SUZ12: variants seen among roughly 807,000 people sequenced by gnomAD.
SUZ12 encodes the protein polycomb protein SUZ12.
Under a neutral mutation model 87.3 loss-of-function variants are expected in SUZ12, and 17 were observed. That is an observed-to-expected ratio of 0.19 (90% CI 0.13 to 0.29). The LOEUF is 0.29. SUZ12 is among the 10% of genes least tolerant of loss of function. SUZ12 has a pLI of 1.00. For synonymous variants in SUZ12, 253 were observed against 312.4 expected, an observed-to-expected ratio of 0.81 and a Z score of 2.01; for missense variants, 526 against 912.2, an observed-to-expected ratio of 0.58 and a Z score of 5.45.
chr17:31,978,604 G>A (rs1402332963), intron 8 of SUZ12, among the ~76,000 whole-genome samples: 16 of 151,800 alleles, frequency 1.1e-4, no homozygotes, highest in Non-Finnish European at 1.6e-4. Flanking sequence ...TCATGTCTGT[G>A]GGGGAAACAA....
At chr17:31,962,036 ATAAG>A (rs1907751860) in intron 4 of SUZ12, among the ~76,000 whole-genome samples, 1 of 152,236 alleles carries the variant, frequency 6.6e-6, no homozygotes, top group South Asian at 2.1e-4. Context: ...AAAGTGGTAA[ATAAG>A]AGTGCTTGTA....
At position 31,973,240 on chromosome 17, in the gene SUZ12, A is replaced by G. The variant is rs1362407884; in HGVS notation, c.591+9A>G. 1.4e-6 allele frequency: 2 copies of G among 1,426,596 alleles called. No individual in the cohort carries two copies. Among genetic ancestry groups the G allele is most frequent in the East Asian group, 4.9e-5 (2 of 40,566 alleles). 88.4% of individuals were successfully genotyped at this position (1,426,596 alleles called of 1,614,324 possible). A position where few individuals can be genotyped will look rare whatever the true frequency, so the allele number is the denominator to read the frequency against. On this transcript the variant is annotated intron_variant, in intron 6 of 15. Transcript: ENST00000322652. ...GCCACAAAAAAAGAAAGGTAATGTC[A>G]ACAAAATGATATTGGTAGATTAAAT...
chr17:31,943,713 T>G (rs1186827411), intron 3 of SUZ12, among the ~76,000 whole-genome samples: 1 of 152,094 alleles, frequency 6.6e-6, no homozygotes, highest in Non-Finnish European at 1.5e-5. Context: ...AAGCTTTTTT[T>G]TTTTTGAGAC....
intron 5 of SUZ12, among the ~76,000 whole-genome samples, chr17:31,972,058 T>C (rs1908463686): frequency 6.6e-6 from 1 of 151,706 alleles, no homozygotes; most frequent in Non-Finnish European, 1.5e-5. Context: ...CCAAGGCAGG[T>C]GGATCACTTG....
intron 8 of SUZ12, among the ~76,000 whole-genome samples, chr17:31,979,325 G>A (rs969489871): frequency 6.6e-6 from 1 of 151,966 alleles, no homozygotes; most frequent in Non-Finnish European, 1.5e-5. Context: ...TCCTAAGAAC[G>A]AAGACATTTT....
intron 10 of SUZ12, among the ~76,000 whole-genome samples, chr17:31,992,958 G>A (rs946084250): frequency 6.6e-6 from 1 of 151,822 alleles, no homozygotes; most frequent in Non-Finnish European, 1.5e-5. Flanking sequence ...TCCTGCCTTG[G>A]CCTCCCAATG....
Position 31,999,734 on chromosome 17 carries a change from C to T in SUZ12, c.*731C>T, listed in dbSNP as rs1292551126. ...ATGTGGATAATTTTAGTGCATTGCT[C>T]ACCCGGTATGTTTTTTTTTTTTAAC... On this transcript the variant is annotated 3_prime_UTR_variant, in exon 16 of 16. Transcript: ENST00000322652. 2.2e-5 allele frequency: 5 copies of T among 231,228 alleles called. No individual in the cohort carries two copies. The highest frequency in any genetic ancestry group is 6.1e-5 in the East Asian group (1 of 16,366). 14.3% of individuals were successfully genotyped at this position (231,228 alleles called of 1,614,324 possible).
At chr17:31,960,967 G>A (rs1043597866) in intron 4 of SUZ12, among the ~76,000 whole-genome samples, 6 of 151,980 alleles carry the variant, frequency 3.9e-5, no homozygotes, top group Non-Finnish European at 7.4e-5. Flanking sequence ...ATCCTAGCAC[G>A]TTGGGAGGCT....
chr17:31,993,355 TA>T, intron 11 of SUZ12, 22 bp downstream of exon 11: 1 of 1,408,390 alleles, frequency 7.1e-7, no homozygotes, highest in Non-Finnish European at 9.8e-7. Context: ...TGACCCTTCT[TA>T]AAGTAATTAT....
chr17:31,966,243 C>G (rs1464421838), intron 5 of SUZ12, 47 bp downstream of exon 5: 72 of 1,463,256 alleles, frequency 4.9e-5, no homozygotes, highest in Non-Finnish European at 6.7e-5. Flanking sequence ...AGCAAGATAC[C>G]TTTGTGAATG....
chr17:31,949,705 T>TTTTTTG (rs1367680305), intron 4 of SUZ12, among the ~76,000 whole-genome samples: 3 of 96,522 alleles, frequency 3.1e-5, no homozygotes, highest in African/African-American at 8.2e-5. Context: ...TTTTTTTTTT[T>TTTTTTG]GAGACCAAGT....
At chr17:31,963,220 C>T (rs904650611) in intron 4 of SUZ12, among the ~76,000 whole-genome samples, 1 of 151,146 alleles carries the variant, frequency 6.6e-6, no homozygotes, top group Non-Finnish European at 1.5e-5. Flanking sequence ...TCTTGGCTCA[C>T]TGCAGCCTCC....
In SUZ12 at chr17:31,999,215, A is replaced by T. The variant is rs1910138034; in HGVS notation, c.*212A>T. 2.7e-6 allele frequency: 1 copy of T among 374,036 alleles called. No homozygotes were observed. The highest frequency in any genetic ancestry group is 4.3e-5 in the Admixed American group (1 of 23,526). The allele number at this position is 374,036 out of a possible 1,614,324, so 23.2% of individuals were successfully genotyped here. On this transcript the variant is annotated 3_prime_UTR_variant, in exon 16 of 16. Coordinates refer to ENST00000322652, the MANE Select transcript of SUZ12 (RefSeq NM_015355.4). Reference sequence around the variant, plus strand: ...TCACTTTTATTGATGTCATTAAAACATTCTGTACTTTAAGCATGAAAAGCA... The same window carrying T: ...TCACTTTTATTGATGTCATTAAAACTTTCTGTACTTTAAGCATGAAAAGCA...
chr17:31,979,746 T>C (rs1908986879), intron 8 of SUZ12, among the ~76,000 whole-genome samples: 1 of 152,232 alleles, frequency 6.6e-6, no homozygotes, highest in South Asian at 2.1e-4. Context: ...CAGTACTTTT[T>C]TCCCTTTTAT....
intron 14 of SUZ12, 79 bp downstream of exon 14, chr17:31,995,841 T>C: frequency 3.8e-6 from 4 of 1,066,008 alleles, no homozygotes; most frequent in Non-Finnish European, 5.4e-6. Flanking sequence ...AACTAGACTT[T>C]TATTGTAAAG....
At chr17:31,964,980 C>A (rs1377628498) in intron 4 of SUZ12, among the ~76,000 whole-genome samples, 1 of 151,362 alleles carries the variant, frequency 6.6e-6, no homozygotes, top group African/African-American at 2.4e-5. Flanking sequence ...GAAACTTCAT[C>A]TCAAAAAAAA....
chr17:31,940,060 C>G (rs1425780720), intron 1 of SUZ12, among the ~76,000 whole-genome samples: 1 of 152,098 alleles, frequency 6.6e-6, no homozygotes, highest in Non-Finnish European at 1.5e-5. Flanking sequence ...TGTAGAGAAC[C>G]TTCAGTATAA....
chr17:31,941,758 C>T, intron 3 of SUZ12, among the ~76,000 whole-genome samples: 1 of 151,892 alleles, frequency 6.6e-6, no homozygotes, highest in African/African-American at 2.4e-5. Context: ...TCTGTGTTAG[C>T]CAGGATGGTC....
At position 31,937,139 on chromosome 17, in the gene SUZ12, C is replaced by T. The variant is rs965821545; in HGVS notation, c.-108C>T. 29 of 967,636 alleles carry T rather than the reference C, an allele frequency of 3.0e-5. No homozygotes were observed. Among genetic ancestry groups the T allele is most frequent in the East Asian group, 9.8e-5 (3 of 30,592 alleles). The allele number at this position is 967,636 out of a possible 1,614,324, so 59.9% of individuals were successfully genotyped here. On this transcript the variant is annotated 5_prime_UTR_variant, in exon 1 of 16. Coordinates refer to ENST00000322652, the MANE Select transcript of SUZ12 (RefSeq NM_015355.4). ...CCTCTCCTCCCCTCTCTCCTCCTTCCCCCCTCGGTCCGCCGGAGCCTGCTG... is the reference window on the plus strand; with the variant it reads ...CCTCTCCTCCCCTCTCTCCTCCTTCTCCCCTCGGTCCGCCGGAGCCTGCTG...
Sources: allele counts gnomAD v4.1 joint callset (sites outside exome capture counted in the v4.1 genomes callset), GRCh38; gene constraint gnomAD v4.1.1; transcripts MANE v1.5; gene names NCBI Gene and HGNC (gene_info 2026-07-23, HGNC 2026-07-21).